The following TTLL5 variants were observed in gnomAD, a reference collection of about 807,000 sequenced individuals.
The protein encoded by TTLL5 is tubulin polyglutamylase TTLL5.
Under a neutral mutation model 168.4 loss-of-function variants are expected in TTLL5, and 132 were observed. The observed-to-expected ratio is 0.78, with a 90% confidence interval of 0.68 to 0.91. The LOEUF is 0.91. Ranked by LOEUF, TTLL5 falls within the 40% of genes least tolerant of loss-of-function variation. TTLL5 has a pLI of 0.00. For missense variants in TTLL5, 1,545 were observed against 1,581.5 expected (o/e 0.98, Z 0.39); for synonymous variants, 546 against 558.6 (o/e 0.98, Z 0.32).
At chr14:75,904,341 A>T in intron 31 of TTLL5, 23 of 857,512 alleles carry the variant, frequency 2.7e-5, no homozygotes, top group Non-Finnish European at 3.2e-5. Context: ...AGTGTGAAGG[A>T]TTTCTGTGAG....
intron 31 of TTLL5, among the ~76,000 whole-genome samples, chr14:75,933,343 G>A (rs2034335824): frequency 6.6e-6 from 1 of 152,156 alleles, no homozygotes; most frequent in African/African-American, 2.4e-5. Flanking sequence ...TGTGCCTGTA[G>A]TCCCAGCTAC....
intron 7 of TTLL5, among the ~76,000 whole-genome samples, chr14:75,706,657 A>G (rs1886677899): frequency 6.6e-6 from 1 of 152,168 alleles, no homozygotes; most frequent in Non-Finnish European, 1.5e-5. Context: ...TCAGGGAGAA[A>G]GCAAGTTTTC....
intron 12 of TTLL5, among the ~76,000 whole-genome samples, chr14:75,723,034 TG>T (rs1887942802): frequency 6.6e-6 from 1 of 152,172 alleles, no homozygotes; most frequent in Non-Finnish European, 1.5e-5. Flanking sequence ...CTGGTAGTCA[TG>T]TGTATATTTG....
At chr14:75,886,024 C>T (rs565159275) in intron 30 of TTLL5, among the ~76,000 whole-genome samples, 14 of 152,282 alleles carry the variant, frequency 9.2e-5, no homozygotes, top group South Asian at 4.1e-4. Context: ...ATCAGGAACC[C>T]TCAGTTATGA....
intron 5 of TTLL5, among the ~76,000 whole-genome samples, chr14:75,687,290 T>G (rs4899571): frequency 0.83 from 126,477 of 152,024 alleles, 53,334 homozygotes; most frequent in Middle Eastern, 0.91. Context: ...GGTTTTTTTG[T>G]GGGGGGACAG....
Position 75,794,470 on chromosome 14 carries a change from A to C in TTLL5, c.3171+1370A>C, listed in dbSNP as rs542923853. Among the ~76,000 whole-genome samples the C allele has an allele frequency of 2.6e-3, 390 of 150,950 alleles. 1 individual carries two copies. Among genetic ancestry groups the C allele is most frequent in the African/African-American group, 8.3e-3 (340 of 41,200 alleles). On this transcript the variant is annotated intron_variant, in intron 27 of 31. Coordinates refer to ENST00000298832, the MANE Select transcript of TTLL5 (RefSeq NM_015072.5). ...TAGTAAAAAAAAAAAAAAAATACCCAAAATAGCCAATATTAGTGCTTACCT... is the reference window on the plus strand; with the variant it reads ...TAGTAAAAAAAAAAAAAAAATACCCCAAATAGCCAATATTAGTGCTTACCT...
chr14:75,891,719 ATTAT>A (rs1262012479), intron 30 of TTLL5, among the ~76,000 whole-genome samples: 2 of 152,292 alleles, frequency 1.3e-5, no homozygotes, highest in South Asian at 4.1e-4. Flanking sequence ...CAATGATCTC[ATTAT>A]TTATGCCTTG....
chr14:75,845,023 C>A (rs1055283618), intron 28 of TTLL5, among the ~76,000 whole-genome samples: 2 of 152,172 alleles, frequency 1.3e-5, no homozygotes, highest in African/African-American at 4.8e-5. Flanking sequence ...TTCCTAATGC[C>A]CGGAATGTCC....
intron 29 of TTLL5, among the ~76,000 whole-genome samples, chr14:75,874,911 GAAA>G (rs202080908): frequency 8.7e-6 from 1 of 114,656 alleles, no homozygotes; most frequent in Non-Finnish European, 1.8e-5. Context: ...GTGACACAGA[GAAA>G]AAAAAAGACA....
At chr14:75,905,120 A>T (rs941948315) in intron 31 of TTLL5, among the ~76,000 whole-genome samples, 11 of 152,194 alleles carry the variant, frequency 7.2e-5, no homozygotes, top group African/African-American at 2.7e-4. Context: ...CACAAGAAAG[A>T]AGAACAACTC....
At chr14:75,781,957 C>CAAA (rs11350842) in intron 24 of TTLL5, among the ~76,000 whole-genome samples, 6 of 69,464 alleles carry the variant, frequency 8.6e-5, no homozygotes, top group Non-Finnish European at 1.2e-4. Context: ...AAACTTTGTT[C>CAAA]AAAAAAAAAA....
At chr14:75,709,072 G>A (rs1886860019) in intron 9 of TTLL5, 2 of 663,100 alleles carry the variant, frequency 3.0e-6, no homozygotes, top group Admixed American at 5.0e-5. Flanking sequence ...TGGGCCTCAG[G>A]TTGGACAAGC....
At chr14:75,677,909 G>A (rs1473073675) in intron 3 of TTLL5, among the ~76,000 whole-genome samples, 1 of 151,896 alleles carries the variant, frequency 6.6e-6, no homozygotes, top group Non-Finnish European at 1.5e-5. Flanking sequence ...TGGGATTACA[G>A]GCATGAGCCA....
chr14:75,917,413 C>T (rs111851029), intron 31 of TTLL5, among the ~76,000 whole-genome samples: 5 of 152,302 alleles, frequency 3.3e-5, no homozygotes, highest in East Asian at 1.9e-4. Flanking sequence ...AAACTCGGCC[C>T]GTCAAGGTGA....
At chr14:75,794,331 C>T (rs769218653) in intron 27 of TTLL5, among the ~76,000 whole-genome samples, 3 of 151,384 alleles carry the variant, frequency 2.0e-5, no homozygotes, top group Non-Finnish European at 4.4e-5. Flanking sequence ...GGCTATGAGA[C>T]GGGAAAGGCC....
intron 18 of TTLL5, among the ~76,000 whole-genome samples, chr14:75,758,720 G>A (rs1396533322): frequency 6.6e-6 from 1 of 152,112 alleles, no homozygotes; most frequent in African/African-American, 2.4e-5. Context: ...TTTGGCCCCA[G>A]TAGAATTGAA....
chr14:75,920,423 G>A (rs2033785110), intron 31 of TTLL5, among the ~76,000 whole-genome samples: 1 of 152,030 alleles, frequency 6.6e-6, no homozygotes, highest in Admixed American at 6.6e-5. Context: ...AGGCCCTGGT[G>A]TGTGATGTTC....
intron 27 of TTLL5, among the ~76,000 whole-genome samples, chr14:75,813,872 G>T (rs1220322204): frequency 6.7e-6 from 1 of 149,432 alleles, no homozygotes; most frequent in Non-Finnish European, 1.5e-5. Flanking sequence ...TCTCCTGTCT[G>T]TTTTCCAGAC....
At chr14:75,915,028 C>A (rs768065321) in intron 31 of TTLL5, among the ~76,000 whole-genome samples, 3 of 152,196 alleles carry the variant, frequency 2.0e-5, no homozygotes, top group Non-Finnish European at 4.4e-5. Flanking sequence ...AGACCACATT[C>A]AAGAATCTCA....
Sources: gnomAD v4.1 joint callset for allele counts (sites outside exome capture counted in the v4.1 genomes callset) on GRCh38, gnomAD v4.1.1 for gene constraint, MANE v1.5 for transcripts, NCBI Gene and HGNC (gene_info 2026-07-23, HGNC 2026-07-21) for gene names.